ITSN2: variants seen among roughly 807,000 people sequenced by gnomAD.
The protein encoded by ITSN2 is intersectin 2.
ITSN2 carries 156 observed loss-of-function variants against 243.7 expected under a neutral mutation model. The observed-to-expected ratio is 0.64, with a 90% CI of 0.56 to 0.73. ITSN2 has a LOEUF of 0.73. Ranked by LOEUF, ITSN2 falls within the 30% of genes least tolerant of loss-of-function variation. The pLI, the probability that ITSN2 is intolerant of heterozygous loss-of-function variation, is 0.00. For missense variants in ITSN2, 1,801 were observed against 1,996.1 expected, an observed-to-expected ratio of 0.90 and a Z score of 1.86; for synonymous variants, 703 against 699.9, an observed-to-expected ratio of 1.00 and a Z score of -0.07.
intron 17 of ITSN2, among the ~76,000 whole-genome samples, chr2:24,280,281 A>AT (rs1480139187): frequency 6.6e-6 from 1 of 152,206 alleles, no homozygotes; most frequent in Admixed American, 6.5e-5. Context: ...GGACCACAGC[A>AT]TCAGAACTAA....
In ITSN2 at chr2:24,299,758, G is replaced by C. The variant is rs957733358; in HGVS notation, c.1344+151C>G. 4.4e-6 allele frequency: 3 copies of C among 678,666 alleles called. No homozygotes were observed. The African/African-American group carries it at 5.4e-5, about 12-fold the overall frequency. 42.0% of individuals were successfully genotyped at this position (678,666 alleles called of 1,614,324 possible). On this transcript the variant is annotated intron_variant, in intron 12 of 39. Transcript: ENST00000355123. ...AAGCCTCTTTCCCTCCTCAAGGGAA[G>C]GAATGATCAGATTTGTATAGGGTAA...
At chr2:24,348,355 T>C (rs1558666258) in intron 1 of ITSN2, among the ~76,000 whole-genome samples, 1 of 152,020 alleles carries the variant, frequency 6.6e-6, no homozygotes, top group Non-Finnish European at 1.5e-5. Context: ...TTTGTACTTT[T>C]TGTAGAGACA....
chr2:24,248,962 G>A (rs1212800090), intron 25 of ITSN2, 80 bp from the exon 26 acceptor site: 5 of 1,308,718 alleles, frequency 3.8e-6, no homozygotes, highest in African/African-American at 1.5e-5. Flanking sequence ...GGGAATTAGA[G>A]ATTTCAAATT....
In ITSN2 at chr2:24,345,718, C is replaced by G. The variant is rs149447409; in HGVS notation, c.-34+14586G>C. On this transcript the variant is annotated intron_variant, in intron 1 of 39. Transcript: ENST00000355123. ...TCCACGGATCTTTTTCTATGCATTA[C>G]AATAATAGATATTATATTAATAGTA... Among the ~76,000 whole-genome samples, 7 of 152,054 alleles carry G rather than the reference C, an allele frequency of 4.6e-5. No homozygotes were observed. The East Asian group carries it at 1.4e-3, about 30-fold the overall frequency.
chr2:24,281,254 T>C (rs771557942), intron 17 of ITSN2, among the ~76,000 whole-genome samples: 25 of 152,208 alleles, frequency 1.6e-4, no homozygotes, highest in Non-Finnish European at 3.4e-4. Flanking sequence ...GGTCTCAAAC[T>C]ACTGACCTCA....
At chr2:24,247,315 T>C (rs1673513255) in intron 27 of ITSN2, among the ~76,000 whole-genome samples, 1 of 152,210 alleles carries the variant, frequency 6.6e-6, no homozygotes, top group Admixed American at 6.5e-5. Context: ...GAGTTAATAC[T>C]GTTCATGACT....
rs147563906 is a variant in ITSN2 at position 24,224,050 on chromosome 2, C to T, written c.3578-2984G>A. ...GAGGCTAATCCAAATGTCTGCTTGACGAGGCTTTTGTGGAGCAAGGAGAGG... is the reference window on the plus strand; with the variant it reads ...GAGGCTAATCCAAATGTCTGCTTGATGAGGCTTTTGTGGAGCAAGGAGAGG... On this transcript the variant is annotated intron_variant, in intron 29 of 39. Coordinates refer to ENST00000355123, the MANE Select transcript of ITSN2 (RefSeq NM_006277.3). 4.2e-3 allele frequency among the ~76,000 whole-genome samples: 319 copies of T among 75,200 alleles called. 1 individual carries two copies. Among genetic ancestry groups the T allele is most frequent in the African/African-American group, 0.016 (302 of 18,546 alleles). 49.3% of individuals were successfully genotyped at this position (75,200 alleles called of 152,430 possible). A position where few individuals can be genotyped will look rare whatever the true frequency, so the allele number is the denominator to read the frequency against.
chr2:24,303,768 T>C (rs749293852), intron 9 of ITSN2, 31 bp downstream of exon 9: 10 of 1,369,202 alleles, frequency 7.3e-6, no homozygotes, highest in Non-Finnish European at 9.4e-6. Flanking sequence ...CATAGTTAAA[T>C]TAATCAAATG....
At position 24,308,714 on chromosome 2, in the gene ITSN2, C is replaced by T. The variant is rs939647483; in HGVS notation, c.696G>A (p.Lys232=). 10 of 1,521,814 alleles carry T rather than the reference C, an allele frequency of 6.6e-6. No individual in the cohort carries two copies. Among genetic ancestry groups the T allele is most frequent in the Admixed American group, 3.6e-5 (2 of 55,404 alleles). 94.3% of individuals were successfully genotyped at this position (1,521,814 alleles called of 1,614,324 possible). The change falls in exon 8 of 40, where the codon AAG becomes AAA. Residue 232 remains lysine, a synonymous_variant. Transcript: ENST00000355123. ...GAACTGCCCACTCTGAGGTCCCAGT[C>T]TTGGGTGAGTTCCCTGAGAGTGAAG... ...STASLSGNSP[K]TGTSEWAVPQ...
intron 2 of ITSN2, among the ~76,000 whole-genome samples, chr2:24,323,027 A>G (rs2151813554): frequency 6.6e-6 from 1 of 152,080 alleles, no homozygotes; most frequent in South Asian, 2.1e-4. Context: ...CTGCATGTCT[A>G]TTAGCATGTC....
intron 29 of ITSN2, among the ~76,000 whole-genome samples, chr2:24,234,208 A>G (rs2151215560): frequency 6.6e-6 from 1 of 152,272 alleles, no homozygotes; most frequent in African/African-American, 2.4e-5. Flanking sequence ...ACAAAGGAGC[A>G]AAGGCAATAC....
intron 31 of ITSN2, among the ~76,000 whole-genome samples, chr2:24,217,166 G>A (rs1670043937): frequency 6.6e-6 from 1 of 151,888 alleles, no homozygotes; most frequent in Non-Finnish European, 1.5e-5. Flanking sequence ...GGAGAATGGT[G>A]TGAACCCAGG....
At chr2:24,277,201 G>A (rs914867798) in intron 17 of ITSN2, among the ~76,000 whole-genome samples, 15 of 152,100 alleles carry the variant, frequency 9.9e-5, no homozygotes, top group African/African-American at 1.7e-4. Flanking sequence ...AAGTGGGGGC[G>A]GGGGGACTTA....
intron 20 of ITSN2, among the ~76,000 whole-genome samples, chr2:24,269,936 G>A (rs534909725): frequency 6.6e-6 from 1 of 152,230 alleles, no homozygotes; most frequent in East Asian, 1.9e-4. Context: ...TACTAATAGC[G>A]GCAATGGCAA....
chr2:24,276,799 C>T (rs1678071387), intron 17 of ITSN2, among the ~76,000 whole-genome samples: 1 of 152,202 alleles, frequency 6.6e-6, no homozygotes, highest in Non-Finnish European at 1.5e-5. Context: ...ATAATCCAAG[C>T]TGGCCCAGAA....
chr2:24,322,858 C>T (rs1684742615), intron 2 of ITSN2, among the ~76,000 whole-genome samples: 2 of 151,660 alleles, frequency 1.3e-5, no homozygotes, highest in Non-Finnish European at 2.9e-5. Flanking sequence ...CAGAACTATT[C>T]AACTCAAAAA....
intron 2 of ITSN2, among the ~76,000 whole-genome samples, chr2:24,315,964 C>A (rs374242168): frequency 1.2e-4 from 18 of 152,156 alleles, no homozygotes; most frequent in African/African-American, 4.3e-4. Context: ...ACAGCTGTGC[C>A]AATTCTGAGT....
chr2:24,212,479 GCACA>G (rs147230531), intron 33 of ITSN2, among the ~76,000 whole-genome samples, 167 bp downstream of exon 33: 1 of 151,936 alleles, frequency 6.6e-6, no homozygotes, highest in Non-Finnish European at 1.5e-5. Context: ...GTGTTTCTGT[GCACA>G]CACACACACA....
intron 1 of ITSN2, among the ~76,000 whole-genome samples, chr2:24,357,274 C>G (rs1688533379): frequency 6.6e-6 from 1 of 152,194 alleles, no homozygotes; most frequent in South Asian, 2.1e-4. Context: ...GATATACATA[C>G]ACCATGGAAT....
Sources: gnomAD v4.1 joint callset for allele counts (sites outside exome capture counted in the v4.1 genomes callset) on GRCh38, gnomAD v4.1.1 for gene constraint, MANE v1.5 for transcripts, NCBI Gene and HGNC (gene_info 2026-07-23, HGNC 2026-07-21) for gene names.